Variants in DEPDC4 observed in about 807,000 individuals in gnomAD.
DEPDC4 encodes the protein DEP domain containing 4, also known as DEP domain-containing protein 4.
DEPDC4 carries 52 observed loss-of-function variants against 52.0 expected under a neutral mutation model. The observed-to-expected ratio is 1.00, with a 90% CI of 0.80 to 1.26. The LOEUF (loss-of-function observed/expected upper bound fraction) is 1.26. Ranked by LOEUF, DEPDC4 falls within the 50% of genes most tolerant of loss-of-function variation. The pLI is 0.00. For synonymous variants in DEPDC4, 201 were observed against 196.8 expected (o/e 1.02, Z -0.18); for missense variants, 530 against 546.9 (o/e 0.97, Z 0.31).
At chr12:100,280,484 C>T in the DEPDC4 span, among the ~76,000 whole-genome samples, 1 of 152,168 alleles carries the variant, frequency 6.6e-6, no homozygotes, top group African/African-American at 2.4e-5. Context: ...GAAAAGTCTT[C>T]ATGTAACCCT....
upstream of DEPDC4, among the ~76,000 whole-genome samples, chr12:100,270,233 C>T (rs1437939618): frequency 6.6e-6 from 1 of 152,074 alleles, no homozygotes; most frequent in East Asian, 1.9e-4. Context: ...GTGATCCACC[C>T]GCCTCGGCTT....
chr12:100,276,249 A>G, the DEPDC4 span, among the ~76,000 whole-genome samples: 2 of 152,124 alleles, frequency 1.3e-5, no homozygotes, highest in African/African-American at 4.8e-5. Context: ...GATATACCCT[A>G]TTCATTTAGA....
intron 2 of DEPDC4, among the ~76,000 whole-genome samples, chr12:100,263,172 G>C (rs2096259633): frequency 6.6e-6 from 1 of 152,138 alleles, no homozygotes. Context: ...ATAATGGCCA[G>C]GCTGGTTTCG....
downstream of DEPDC4, among the ~76,000 whole-genome samples, chr12:100,235,628 G>A (rs1488451599): frequency 6.6e-6 from 1 of 151,554 alleles, no homozygotes; most frequent in Non-Finnish European, 1.5e-5. Flanking sequence ...AGGCCGGAGT[G>A]CAGTGGCATG....
At position 100,244,093 on chromosome 12, in the gene DEPDC4, GTGTATATATATATATATATATA is replaced by G. The variant is rs1163054574; in HGVS notation, c.1454-1546_1454-1525del. ...TCCCTCTCTCTCTCTCTCTCTCTCT[GTGTATATATATATATATATATA>G]TATATATATATATATATATACACAA... On this transcript the variant is annotated intron_variant, in intron 8 of 9. Transcript: ENST00000550587. Among the ~76,000 whole-genome samples the G allele has an allele frequency of 1.4e-3, 124 of 89,336 alleles. 4 individuals carry two copies. In the South Asian group the frequency reaches 0.022, roughly 16 times the overall value. The allele number at this position is 89,336 out of a possible 152,430, so 58.6% of individuals were successfully genotyped here. A position where few individuals can be genotyped will look rare whatever the true frequency, so the allele number is the denominator to read the frequency against.
upstream of DEPDC4, among the ~76,000 whole-genome samples, chr12:100,271,568 T>G (rs2096287754): frequency 6.6e-6 from 1 of 152,228 alleles, no homozygotes; most frequent in Non-Finnish European, 1.5e-5. Flanking sequence ...TATTTTGAGT[T>G]TCTTTGTTTT....
chr12:100,264,361 T>A (rs1470573118), intron 1 of DEPDC4, among the ~76,000 whole-genome samples: 2 of 152,164 alleles, frequency 1.3e-5, no homozygotes, highest in Non-Finnish European at 2.9e-5. Flanking sequence ...TCAATTTTTT[T>A]AATTGTTTAA....
At position 100,253,572 on chromosome 12, in the gene DEPDC4, A is replaced by G. The variant is rs764161870; in HGVS notation, c.1022T>C (p.Ile341Thr). ...TCTCTCTTGAGCATAGTATTTTGCT[A>G]TGACATCAAAGAGTATCTTCTTCTG... ...NSQKKILFDV[I>T]AKYYAQERDC... is the part of the protein sequence containing the mutation. Residue 341 changes from isoleucine to threonine, a missense_variant, in exon 5 of 10, where the codon ATA (isoleucine) becomes ACA (threonine). Physicochemically the swap from Ile to Thr is moderately conservative, Grantham distance 89 (BLOSUM62 -1). Transcript: ENST00000550587. The G allele has an allele frequency of 1.6e-6, 2 of 1,288,960 alleles. No individual in the cohort carries two copies. Among genetic ancestry groups the G allele is most frequent in the Admixed American group, 2.3e-5 (1 of 43,566 alleles). The allele number at this position is 1,288,960 out of a possible 1,614,324, so 79.8% of individuals were successfully genotyped here. A position where few individuals can be genotyped will look rare whatever the true frequency, so the allele number is the denominator to read the frequency against.
chr12:100,238,672 G>C (rs2096147186), downstream of DEPDC4, among the ~76,000 whole-genome samples: 1 of 151,694 alleles, frequency 6.6e-6, no homozygotes, highest in Non-Finnish European at 1.5e-5. Flanking sequence ...TTTTACTAGA[G>C]ATGGGGTTTT....
At chr12:100,255,138 C>T (rs1423296119) in intron 4 of DEPDC4, among the ~76,000 whole-genome samples, 1 of 152,200 alleles carries the variant, frequency 6.6e-6, no homozygotes, top group African/African-American at 2.4e-5. Flanking sequence ...AGTTTGATTG[C>T]TTTTCTCTTA....
At chr12:100,266,598 T>C (rs951371327) in intron 1 of DEPDC4, among the ~76,000 whole-genome samples, 1 of 152,226 alleles carries the variant, frequency 6.6e-6, no homozygotes, top group Non-Finnish European at 1.5e-5. Context: ...TGGTGCCATC[T>C]GGACATGTAT....
chr12:100,249,572 G>C (rs908036582), intron 7 of DEPDC4, among the ~76,000 whole-genome samples: 6 of 152,154 alleles, frequency 3.9e-5, no homozygotes, highest in Non-Finnish European at 8.8e-5. Context: ...ACTACTATAT[G>C]TATCTGGAGA....
At position 100,263,811 on chromosome 12, in the gene DEPDC4, C is replaced by G; in HGVS notation, c.240G>C (p.Arg80Ser). 1 of 1,614,144 alleles carries G rather than the reference C, an allele frequency of 6.2e-7. No individual in the cohort carries two copies. Among genetic ancestry groups the G allele is most frequent in the Non-Finnish European group, 8.5e-7 (1 of 1,180,010 alleles). The change falls in exon 2 of 10, where the codon AGG becomes AGC. Residue 80 changes from arginine to serine, a missense_variant. Transcript: ENST00000550587. ...CTTTGTATGTCTGTAAATGATGCCT[C>G]CTTCTTTTTATTTCCACTTGGGCCT... ...SLQAQVEIKR[R>S]RHHLQTYKDC...
At chr12:100,244,134 T>TATATATATATATATATATATATACAC (rs1403751762) in intron 8 of DEPDC4, among the ~76,000 whole-genome samples, 1 of 121,792 alleles carries the variant, frequency 8.2e-6, no homozygotes, top group Non-Finnish European at 1.7e-5. Flanking sequence ...TATATATATA[T>TATATATATATATATATATATATACAC]ACACAAAATA....
upstream of DEPDC4, chr12:100,267,280 G>A: frequency 1.7e-6 from 1 of 575,366 alleles, no homozygotes; most frequent in Non-Finnish European, 3.0e-6. Flanking sequence ...GGAGGATATG[G>A]AGTAAAGCCA....
At chr12:100,262,008 G>T (rs73374458) in intron 3 of DEPDC4, among the ~76,000 whole-genome samples, 5,439 of 152,250 alleles carry the variant, frequency 0.036, 311 homozygotes, top group African/African-American at 0.12. Context: ...CAACACCAAG[G>T]CTGAGCCTTA....
chr12:100,278,629 T>C, the DEPDC4 span, among the ~76,000 whole-genome samples: 1 of 144,546 alleles, frequency 6.9e-6, no homozygotes, highest in Non-Finnish European at 1.5e-5. Flanking sequence ...TTGGGGAAAT[T>C]CTTTTTTTTT....
chr12:100,264,382 TA>T (rs34376960), intron 1 of DEPDC4, among the ~76,000 whole-genome samples: 1 of 152,060 alleles, frequency 6.6e-6, no homozygotes, highest in Non-Finnish European at 1.5e-5. Flanking sequence ...ACCAGCTGTT[TA>T]AAAAGTTTGC....
At position 100,233,381 on chromosome 12, in the gene DEPDC4, G is replaced by A. The variant is rs193188570; in HGVS notation, c.*699+4587C>T. 3.3e-5 allele frequency among the ~76,000 whole-genome samples: 5 copies of A among 152,272 alleles called. No individual in the cohort carries two copies. In the East Asian group the frequency reaches 9.6e-4, roughly 29 times the overall value. The stretch of plus-strand genomic sequence containing the variant: ...TTCTCGTCCCTCTTCCAGAGATGCT[G>A]TTACAAATTCTAACTCCCATTCAGA... On this transcript the variant is annotated intron_variant and NMD_transcript_variant, in intron 9 of 10. Coordinates refer to the DEPDC4 transcript ENST00000378244.
Sources: allele counts gnomAD v4.1 joint callset (sites outside exome capture counted in the v4.1 genomes callset), GRCh38; gene constraint gnomAD v4.1.1; transcripts MANE v1.5; gene names NCBI Gene and HGNC (gene_info 2026-07-23, HGNC 2026-07-21).